Variants in SERPINE2 observed in about 807,000 individuals in gnomAD.
SERPINE2 encodes the protein serpin family E member 2.
Under a neutral mutation model 36.3 loss-of-function variants are expected in SERPINE2, and 14 were observed. The observed-to-expected ratio is 0.39, with a 90% CI of 0.25 to 0.60. The LOEUF (loss-of-function observed/expected upper bound fraction) is 0.60, where lower values mean the gene tolerates loss of function less well. Among genes scored for constraint, SERPINE2 ranks in the 20% least tolerant of loss-of-function variants. SERPINE2 has a pLI of 0.57. For synonymous variants in SERPINE2, 192 were observed against 191.8 expected (o/e 1.00, Z -0.01); for missense variants, 418 against 499.6 (o/e 0.84, Z 1.56).
chr2:223,995,131 G>A (rs1433315323), intron 3 of SERPINE2, among the ~76,000 whole-genome samples: 4 of 152,184 alleles, frequency 2.6e-5, no homozygotes, highest in Non-Finnish European at 4.4e-5. Context: ...GAAGAGGCCT[G>A]TGTGGCTGGA....
intron 1 of SERPINE2, among the ~76,000 whole-genome samples, chr2:224,029,062 T>C (rs899989658): frequency 2.0e-5 from 3 of 152,264 alleles, no homozygotes; most frequent in Non-Finnish European, 4.4e-5. Flanking sequence ...ATATTCATGA[T>C]TTACCACCTT....
rs1281848930 is a variant in SERPINE2, at chr2:223,998,138, G to A, written c.464C>T (p.Ala155Val). 6.2e-7 allele frequency: 1 copy of A among 1,613,952 alleles called. No homozygotes were observed. The highest frequency in any genetic ancestry group is 1.3e-5 in the African/African-American group (1 of 74,928). ...ACCCCTGGTTTCATTTTTAACCCAT[G>A]CATTGATGGAATCACAGGCAGAGGC... ...DPASACDSIN[A>V]WVKNETRDMI... Residue 155 changes from alanine to valine, a missense_variant, in exon 3 of 9, where the codon GCA (alanine) becomes GTA (valine). Ala to Val is a moderately conservative substitution (Grantham distance 64, BLOSUM62 0). Coordinates refer to ENST00000409304, the MANE Select transcript of SERPINE2 (RefSeq NM_001136528.2).
At chr2:224,005,469 C>A (rs916486794) in intron 1 of SERPINE2, among the ~76,000 whole-genome samples, 4 of 152,128 alleles carry the variant, frequency 2.6e-5, no homozygotes, top group African/African-American at 9.7e-5. Flanking sequence ...CTAAACTCAC[C>A]TGGCTTATAT....
Position 224,039,277 on chromosome 2 carries a change from C to T in SERPINE2, c.-201G>A, listed in dbSNP as rs1474398844. 6.6e-6 allele frequency: 1 copy of T among 150,396 alleles called. No individual in the cohort carries two copies. Among genetic ancestry groups the T allele is most frequent in the Non-Finnish European group, 1.5e-5 (1 of 67,336 alleles). The allele number at this position is 150,396 out of a possible 1,614,324, so 9.3% of individuals were successfully genotyped here. On this transcript the variant is annotated 5_prime_UTR_variant, in exon 1 of 9. Transcript: ENST00000409304. This position sits in a 1 kb window ranked among gnomAD's most constrained non-coding sequence, Gnocchi z 5.2. ...GCAGACGCCGCGCAGCCCGGGCAGC[C>T]CCACAGCGCAAGCTGGCTGCCGCGG...
chr2:224,001,644 T>C lies in SERPINE2; in HGVS notation c.257A>G (p.Asn86Ser). The C allele has an allele frequency of 1.2e-6, 2 of 1,613,140 alleles. No homozygotes were observed. The highest frequency in any genetic ancestry group is 1.7e-6 in the Non-Finnish European group (2 of 1,179,744). ...QLAMVMRYGV[N>S]GVGKILKKIN... is the part of the protein sequence containing the mutation. Reference sequence around the variant, plus strand: ...AGTGAGCAATTGTGCACACGCACCATTTACGCCGTATCTCATCACCATGGC... The same window carrying C: ...AGTGAGCAATTGTGCACACGCACCACTTACGCCGTATCTCATCACCATGGC... The change falls in exon 2 of 9, where the codon AAT (asparagine) becomes AGT (serine). Residue 86 changes from asparagine to serine, a missense_variant and splice_region_variant. Asn to Ser is a conservative substitution (Grantham distance 46, BLOSUM62 1). Transcript: ENST00000409304.
intron 1 of SERPINE2, among the ~76,000 whole-genome samples, chr2:224,027,190 C>G (rs577985527): frequency 6.6e-6 from 1 of 152,174 alleles, no homozygotes; most frequent in Non-Finnish European, 1.5e-5. Context: ...ACTGAGCCCC[C>G]CTGCTGGCTG....
At chr2:224,037,774 G>T (rs1284196768) in intron 1 of SERPINE2, among the ~76,000 whole-genome samples, 1 of 152,116 alleles carries the variant, frequency 6.6e-6, no homozygotes, top group Non-Finnish European at 1.5e-5. Flanking sequence ...CTAATATGAA[G>T]TTCATGGGAC....
At chr2:223,998,444 G>A in intron 2 of SERPINE2, 102 bp from the exon 3 acceptor site, 1 of 820,798 alleles carries the variant, frequency 1.2e-6, no homozygotes, top group Non-Finnish European at 2.0e-6. Context: ...TAGGCCAGGT[G>A]CAGTGGCTCA....
intron 2 of SERPINE2, 31 bp downstream of exon 2, chr2:224,001,611 G>C (rs550718179): frequency 1.9e-6 from 3 of 1,594,278 alleles, no homozygotes; most frequent in Non-Finnish European, 2.6e-6. Context: ...TCAGGCAAAG[G>C]CTCCGCCAGT....
intron 1 of SERPINE2, among the ~76,000 whole-genome samples, chr2:224,005,868 G>A (rs1345788871): frequency 6.6e-6 from 1 of 152,218 alleles, no homozygotes; most frequent in Non-Finnish European, 1.5e-5. Flanking sequence ...TTGGAGGGAA[G>A]ATCATAAGCC....
chr2:224,029,952 C>A (rs987041571), intron 1 of SERPINE2: 5 of 644,208 alleles, frequency 7.8e-6, no homozygotes, highest in East Asian at 1.4e-4. Flanking sequence ...CCACCTCAGC[C>A]TCCCAAACTG....
At chr2:224,031,895 A>T (rs1192794500) in intron 1 of SERPINE2, among the ~76,000 whole-genome samples, 1 of 152,010 alleles carries the variant, frequency 6.6e-6, no homozygotes, top group Non-Finnish European at 1.5e-5. Context: ...AGAAGCAGAG[A>T]TGAGAGGCAA....
At chr2:224,021,825 A>G (rs1460601925) in intron 1 of SERPINE2, among the ~76,000 whole-genome samples, 3 of 152,210 alleles carry the variant, frequency 2.0e-5, no homozygotes, top group Non-Finnish European at 4.4e-5. Flanking sequence ...GGAGTTTGAG[A>G]CCAGCCTGGC....
At chr2:223,995,713 T>C (rs1168807551) in intron 3 of SERPINE2, among the ~76,000 whole-genome samples, 1 of 152,226 alleles carries the variant, frequency 6.6e-6, no homozygotes, top group Non-Finnish European at 1.5e-5. Context: ...TGCTTTGTTT[T>C]GTTCAGAAAT....
chr2:224,022,266 A>T (rs545086133), intron 1 of SERPINE2, among the ~76,000 whole-genome samples: 1 of 148,852 alleles, frequency 6.7e-6, no homozygotes, highest in East Asian at 2.0e-4. Flanking sequence ...CAGGAGGCAG[A>T]GGTTGCAGTG....
In SERPINE2 at chr2:223,975,736, G is replaced by A. The variant is rs1689984011; in HGVS notation, c.*131C>T. 10 of 698,150 alleles carry A rather than the reference G, an allele frequency of 1.4e-5. No individual in the cohort carries two copies. The East Asian group carries it at 2.7e-4, about 19-fold the overall frequency. 43.2% of individuals were successfully genotyped at this position (698,150 alleles called of 1,614,324 possible). On this transcript the variant is annotated 3_prime_UTR_variant, in exon 9 of 9. Transcript: ENST00000409304. ...GAACAGAAACACTTGCATCGAGTCT[G>A]TTCCTAAGAACTAGTTTTGAAAAAG...
chr2:223,977,330 A>C (rs1183251927), intron 8 of SERPINE2, among the ~76,000 whole-genome samples: 2 of 152,172 alleles, frequency 1.3e-5, no homozygotes, highest in Non-Finnish European at 2.9e-5. Context: ...AAAACCTAAA[A>C]TCCTGTCAGT....
chr2:224,012,551 C>T (rs954902605), intron 1 of SERPINE2, among the ~76,000 whole-genome samples: 5 of 149,354 alleles, frequency 3.3e-5, no homozygotes, highest in Admixed American at 2.0e-4. Flanking sequence ...TGCAGTGAGC[C>T]GAGATCCCAC....
intron 8 of SERPINE2, among the ~76,000 whole-genome samples, chr2:223,977,071 T>C (rs1574804452): frequency 6.6e-6 from 1 of 152,170 alleles, no homozygotes; most frequent in Non-Finnish European, 1.5e-5. Context: ...TCCACCGTAA[T>C]TGTGAGGTTC....
Sources: gnomAD v4.1 joint callset for allele counts (sites outside exome capture counted in the v4.1 genomes callset) on GRCh38, gnomAD v4.1.1 for gene constraint, Gnocchi (gnomAD v3.1) non-coding constraint, MANE v1.5 for transcripts, NCBI Gene and HGNC (gene_info 2026-07-23, HGNC 2026-07-21) for gene names.